The following ATP9B variants were observed in gnomAD, a reference collection of about 807,000 sequenced individuals.
ATP9B encodes probable phospholipid-transporting ATPase IIB.
A neutral mutation model predicts 146.1 loss-of-function variants in ATP9B; 110 were observed. The observed-to-expected ratio is 0.75, with a 90% CI of 0.65 to 0.88. The LOEUF (loss-of-function observed/expected upper bound fraction) is 0.88, where lower values mean the gene tolerates loss of function less well. ATP9B is among the 40% of genes least tolerant of loss of function. The pLI is 0.00. For missense variants in ATP9B, 1,499 were observed against 1,496.4 expected (o/e 1.00, Z -0.03); for synonymous variants, 604 against 569.7 (o/e 1.06, Z -0.86).
chr18:79,330,056 C>T lies in ATP9B; in HGVS notation c.1980C>T (p.Asp660=), dbSNP rs201330784. ...AEITFYMKGA[D]VAMSPIVQYN... is the part of the protein sequence containing the mutation. ...TCACATTCTACATGAAGGGCGCTGA[C>T]GTGGCCATGTCTCCTATCGTGCAGT... Residue 660 remains aspartate (D), a synonymous_variant, in exon 17 of 30, where the codon GAC becomes GAT. Coordinates refer to ENST00000426216, the MANE Select transcript of ATP9B (RefSeq NM_198531.5). 5.5e-5 allele frequency: 89 copies of T among 1,614,132 alleles called. No homozygotes were observed. The East Asian group carries it at 8.9e-4, about 16-fold the overall frequency.
intron 10 of ATP9B, among the ~76,000 whole-genome samples, chr18:79,210,027 C>G (rs924913544): frequency 4.6e-5 from 7 of 152,148 alleles, no homozygotes; most frequent in Admixed American, 2.0e-4. Flanking sequence ...AGTGCTTCCT[C>G]CCCATCCCTA....
intron 15 of ATP9B, among the ~76,000 whole-genome samples, chr18:79,325,478 G>A (rs1008232308): frequency 6.6e-6 from 1 of 152,104 alleles, no homozygotes; most frequent in Non-Finnish European, 1.5e-5. Context: ...GATTGAGTAC[G>A]CACCATTTGA....
intron 2 of ATP9B, among the ~76,000 whole-genome samples, chr18:79,098,435 G>A (rs2074993077): frequency 6.8e-6 from 1 of 148,046 alleles, no homozygotes; most frequent in South Asian, 2.2e-4. Flanking sequence ...TACCATCAGA[G>A]TGAACAGGCA....
intron 11 of ATP9B, among the ~76,000 whole-genome samples, chr18:79,230,679 C>T (rs2095782536): frequency 6.6e-6 from 1 of 151,892 alleles, no homozygotes; most frequent in Non-Finnish European, 1.5e-5. Context: ...TACAATTCTC[C>T]TCAGAATACA....
chr18:79,076,072 G>A (rs2072576383), intron 1 of ATP9B, among the ~76,000 whole-genome samples: 1 of 151,914 alleles, frequency 6.6e-6, no homozygotes, highest in Admixed American at 6.6e-5. Flanking sequence ...TCTCCCATTG[G>A]TAATATAATA....
At chr18:79,315,251 A>G (rs1050943173) in intron 15 of ATP9B, among the ~76,000 whole-genome samples, 1 of 152,178 alleles carries the variant, frequency 6.6e-6, no homozygotes, top group Non-Finnish European at 1.5e-5. Flanking sequence ...TTTTTAATTC[A>G]TTTTATCGTG....
chr18:79,131,458 G>T (rs1358343442), intron 5 of ATP9B, among the ~76,000 whole-genome samples: 1 of 152,180 alleles, frequency 6.6e-6, no homozygotes, highest in African/African-American at 2.4e-5. Flanking sequence ...AGAGGGAAGT[G>T]CAAATCTCTA....
In ATP9B at chr18:79,250,200, T is replaced by C. The variant is rs989420660; in HGVS notation, c.1108-3181T>C. Reference sequence around the variant, plus strand: ...CGTGGCATTTTTTGAAAGGAAACTTTGTATTCATTTCTGAATGTTTTTGTC... The same window carrying C: ...CGTGGCATTTTTTGAAAGGAAACTTCGTATTCATTTCTGAATGTTTTTGTC... On this transcript the variant is annotated intron_variant, in intron 11 of 29. Coordinates refer to ENST00000426216, the MANE Select transcript of ATP9B (RefSeq NM_198531.5). Among the ~76,000 whole-genome samples, 3 of 152,242 alleles carry C rather than the reference T, an allele frequency of 2.0e-5. No individual in the cohort carries two copies. The South Asian group carries it at 6.2e-4, about 31-fold the overall frequency.
intron 2 of ATP9B, among the ~76,000 whole-genome samples, chr18:79,097,448 A>G (rs1053984125): frequency 6.6e-6 from 1 of 151,324 alleles, no homozygotes; most frequent in African/African-American, 2.4e-5. Context: ...GTATTTTCTA[A>G]GAAATAGGTA....
chr18:79,289,224 C>T (rs1308150490), intron 13 of ATP9B, among the ~76,000 whole-genome samples: 1 of 152,170 alleles, frequency 6.6e-6, no homozygotes, highest in Non-Finnish European at 1.5e-5. Context: ...CAACTTGGTT[C>T]CATTCTCCCC....
chr18:79,161,589 T>C (rs113002549), intron 7 of ATP9B, among the ~76,000 whole-genome samples: 10,270 of 152,240 alleles, frequency 0.067, 417 homozygotes, highest in Non-Finnish European at 0.095. Flanking sequence ...TGGCTCACGC[T>C]TGTAATCCCA....
At chr18:79,362,524 CTT>C (rs1021560832) in intron 26 of ATP9B, 1 of 152,226 alleles carries the variant, frequency 6.6e-6, no homozygotes, top group Non-Finnish European at 1.5e-5. Context: ...AATTATTAAA[CTT>C]TACTCACGAT....
intron 5 of ATP9B, among the ~76,000 whole-genome samples, chr18:79,128,216 G>A (rs1007782109): frequency 4.6e-5 from 7 of 151,486 alleles, no homozygotes; most frequent in South Asian, 4.2e-4. Context: ...CCTGCACTGC[G>A]CCCGGGTGAT....
chr18:79,295,094 A>C (rs2096537966), intron 13 of ATP9B, among the ~76,000 whole-genome samples: 2 of 63,628 alleles, frequency 3.1e-5, no homozygotes, highest in African/African-American at 7.9e-5. Context: ...ATGCAAGCAC[A>C]CACATACACA....
chr18:79,167,426 G>T (rs531709039), intron 7 of ATP9B, among the ~76,000 whole-genome samples: 3 of 152,112 alleles, frequency 2.0e-5, no homozygotes, highest in Non-Finnish European at 4.4e-5. Flanking sequence ...GAGGAGACCC[G>T]GAGTAGGTAG....
intron 26 of ATP9B, among the ~76,000 whole-genome samples, chr18:79,366,889 G>A (rs971142425): frequency 6.6e-6 from 1 of 152,266 alleles, no homozygotes; most frequent in African/African-American, 2.4e-5. Context: ...AGGCTGGTGC[G>A]GGAGGCAGGT....
intron 12 of ATP9B, among the ~76,000 whole-genome samples, chr18:79,256,257 C>CTATATA (rs10531617): frequency 0.021 from 2,074 of 100,222 alleles, 66 homozygotes; most frequent in Middle Eastern, 0.041. Context: ...TTCTAGCTAG[C>CTATATA]TATATATATA....
intron 1 of ATP9B, among the ~76,000 whole-genome samples, chr18:79,072,359 G>A (rs906303625): frequency 1.3e-5 from 2 of 152,062 alleles, no homozygotes; most frequent in African/African-American, 4.8e-5. Flanking sequence ...GACTCTTAAC[G>A]AGCATGCTGC....
At chr18:79,362,667 A>G (rs2096997170) in intron 26 of ATP9B, 1 of 152,246 alleles carries the variant, frequency 6.6e-6, no homozygotes, top group Non-Finnish European at 1.5e-5. Context: ...AGTTACTCCA[A>G]GATCCAGGCA....
Sources: allele counts gnomAD v4.1 joint callset (sites outside exome capture counted in the v4.1 genomes callset), GRCh38; gene constraint gnomAD v4.1.1; transcripts MANE v1.5; gene names NCBI Gene and HGNC (gene_info 2026-07-23, HGNC 2026-07-21).